ATAD5: variants seen among roughly 807,000 people sequenced by gnomAD.
ATAD5 encodes the protein ATPase family AAA domain containing 5, also known as ATPase family AAA domain-containing protein 5.
Under a neutral mutation model 176.9 loss-of-function variants are expected in ATAD5, and 58 were observed. The observed-to-expected ratio is 0.33, with a 90% CI of 0.27 to 0.41. ATAD5 has a LOEUF of 0.41. Among genes scored for constraint, ATAD5 ranks in the 10% least tolerant of loss-of-function variants. The pLI is 1.00. For missense variants in ATAD5, 1,789 were observed against 2,094.1 expected (o/e 0.85, Z 2.84); for synonymous variants, 640 against 712.6 (o/e 0.90, Z 1.62).
intron 6 of ATAD5, among the ~76,000 whole-genome samples, chr17:30,848,570 T>C (rs1425899714): frequency 6.6e-6 from 1 of 152,128 alleles, no homozygotes; most frequent in Admixed American, 6.5e-5. Flanking sequence ...ATTCTATCAA[T>C]TCAAAGTGTG....
At chr17:30,848,249 CTT>C (rs754266011) in intron 6 of ATAD5, among the ~76,000 whole-genome samples, 1 of 143,038 alleles carries the variant, frequency 7.0e-6, no homozygotes. Context: ...CATTATCAGG[CTT>C]TTTTTTTTTT....
At chr17:30,840,501 T>C (rs1431322192) in intron 3 of ATAD5, 116 bp from the exon 4 acceptor site, 1 of 786,020 alleles carries the variant, frequency 1.3e-6, no homozygotes, top group Non-Finnish European at 1.8e-6. Context: ...CTGGTAAGAT[T>C]TGAATAACCA....
In ATAD5 at chr17:30,834,649, A is replaced by G; in HGVS notation, c.568A>G (p.Lys190Glu). 1 of 1,610,040 alleles carries G rather than the reference A, an allele frequency of 6.2e-7. No individual in the cohort carries two copies. The highest frequency in any genetic ancestry group is 8.5e-7 in the Non-Finnish European group (1 of 1,179,092). The change falls in exon 2 of 23, where the codon AAA (lysine) becomes GAA (glutamate). Residue 190 changes from lysine to glutamate, a missense_variant. Around this residue, in one of 6 missense-constraint regions of ATAD5, gnomAD observed 696 missense variants for 712.5 expected, o/e 0.98. Coordinates refer to ENST00000321990, the MANE Select transcript of ATAD5 (RefSeq NM_024857.5). Reference sequence around the variant, plus strand: ...TATGACCTCCCTGCAAAATTCTAAAAAAGTAAATCCTAAACAAGGGACCAC... The same window carrying G: ...TATGACCTCCCTGCAAAATTCTAAAGAAGTAAATCCTAAACAAGGGACCAC... ...NTMTSLQNSKKVNPKQGTTKN... is the reference protein window; with the variant it reads ...NTMTSLQNSKEVNPKQGTTKN...
chr17:30,868,511 T>TTTA, intron 12 of ATAD5, 99 bp downstream of exon 12: 10 of 619,816 alleles, frequency 1.6e-5, no homozygotes, highest in Non-Finnish European at 2.2e-5. Context: ...TTTTTTTAAT[T>TTTA]TTTTTTTTTT....
chr17:30,878,444 C>T (rs1162824354), intron 17 of ATAD5, among the ~76,000 whole-genome samples: 1 of 151,958 alleles, frequency 6.6e-6, no homozygotes, highest in East Asian at 1.9e-4. Flanking sequence ...CTCTTTTGCC[C>T]CTGATAACAC....
Position 30,832,377 on chromosome 17 carries a change from A to G in ATAD5, c.30A>G (p.Ala10=). The change falls in exon 1 of 23, where the codon GCA becomes GCG. Residue 10 remains alanine, a synonymous_variant. Transcript: ENST00000321990. ...TGGGGGTCCTGGCCATGGCGGCTGC[A>G]GCTGCTCCGCCTCCCGTGAAGGACT... MVGVLAMAA[A]AAPPPVKDCE... 1 of 1,566,014 alleles carries G rather than the reference A, an allele frequency of 6.4e-7. No homozygotes were observed. The highest frequency in any genetic ancestry group is 8.7e-7 in the Non-Finnish European group (1 of 1,155,166).
chr17:30,877,788 T>A (rs969538419), intron 16 of ATAD5, among the ~76,000 whole-genome samples: 4 of 152,184 alleles, frequency 2.6e-5, no homozygotes, highest in African/African-American at 9.6e-5. Context: ...CTGATCCATA[T>A]CTGTCTAGTT....
intron 18 of ATAD5, among the ~76,000 whole-genome samples, chr17:30,879,773 A>G (rs961753915): frequency 1.3e-5 from 2 of 151,944 alleles, no homozygotes; most frequent in East Asian, 2.0e-4. Flanking sequence ...CATTTTAGCC[A>G]GGATGGTCTT....
intron 6 of ATAD5, among the ~76,000 whole-genome samples, chr17:30,850,522 A>C (rs559172575): frequency 6.6e-5 from 10 of 151,882 alleles, no homozygotes; most frequent in Admixed American, 4.6e-4. Flanking sequence ...CACCATGTCC[A>C]GCTAATTGTT....
intron 18 of ATAD5, among the ~76,000 whole-genome samples, chr17:30,882,125 G>A (rs1273761753): frequency 6.6e-6 from 1 of 151,810 alleles, no homozygotes; most frequent in African/African-American, 2.4e-5. Context: ...GCGTGGTGGT[G>A]CATGCCTGTA....
intron 18 of ATAD5, among the ~76,000 whole-genome samples, chr17:30,886,746 C>CAAA (rs74541319): frequency 7.2e-6 from 1 of 138,724 alleles, no homozygotes; most frequent in African/African-American, 2.6e-5. Flanking sequence ...TGATCTCTAC[C>CAAA]AAAAAAAAAA....
chr17:30,841,681 T>A (rs1270899289), intron 4 of ATAD5, among the ~76,000 whole-genome samples: 1 of 152,220 alleles, frequency 6.6e-6, no homozygotes, highest in Non-Finnish European at 1.5e-5. Context: ...ACTAACCTGC[T>A]TCTGTCTCTG....
At chr17:30,862,534 C>T (rs1054306357) in intron 10 of ATAD5, among the ~76,000 whole-genome samples, 3 of 151,994 alleles carry the variant, frequency 2.0e-5, no homozygotes, top group Non-Finnish European at 4.4e-5. Context: ...CTCTGCCTCC[C>T]GGATTCAAGC....
chr17:30,852,010 C>T (rs1186520526), intron 6 of ATAD5, among the ~76,000 whole-genome samples: 1 of 152,202 alleles, frequency 6.6e-6, no homozygotes, highest in Non-Finnish European at 1.5e-5. Context: ...TCTCATCAAA[C>T]CTGCAATTAT....
intron 6 of ATAD5, among the ~76,000 whole-genome samples, chr17:30,848,963 C>T (rs983094847): frequency 6.6e-5 from 10 of 152,114 alleles, no homozygotes; most frequent in South Asian, 4.1e-4. Flanking sequence ...CTCCGCCTTC[C>T]GGGTTCAAGT....
intron 14 of ATAD5, among the ~76,000 whole-genome samples, chr17:30,874,684 G>A (rs1290921250): frequency 6.7e-6 from 1 of 149,384 alleles, no homozygotes; most frequent in African/African-American, 2.5e-5. Context: ...AGGCAGCAGT[G>A]CAGTGGAGCG....
chr17:30,859,831 C>G (rs1036985925), intron 9 of ATAD5, among the ~76,000 whole-genome samples: 1 of 147,106 alleles, frequency 6.8e-6, no homozygotes, highest in Non-Finnish European at 1.5e-5. Context: ...TCCACCGATT[C>G]TCCTGCTTCT....
At position 30,854,774 on chromosome 17, in the gene ATAD5, T is replaced by C. The variant is rs549472039; in HGVS notation, c.2451-369T>C. On this transcript the variant is annotated intron_variant, in intron 6 of 22. Transcript: ENST00000321990. ...TGTTTTTTGTTATTTTTTGAGACAG[T>C]CTCACTCTGTTGCCCAGACTGGAAG... is the stretch of plus-strand genomic sequence containing the variant. 4.6e-5 allele frequency among the ~76,000 whole-genome samples: 7 copies of C among 152,226 alleles called. 1 individual carries two copies. Among genetic ancestry groups the C allele is most frequent in the South Asian group, 4.1e-4 (2 of 4,820 alleles).
At position 30,835,155 on chromosome 17, in the gene ATAD5, T is replaced by C. The variant is rs11655623; in HGVS notation, c.1074T>C (p.Pro358=). 196,478 of 1,613,956 alleles carry C rather than the reference T, an allele frequency of 0.12. 13,622 individuals are homozygous for C. Among genetic ancestry groups the C allele is most frequent in the South Asian group, 0.24 (22,124 of 91,064 alleles). ...QFEMENSLSD[P]ENEQTVQKRK... ...AAATGGAAAATAGTTTATCTGATCC[T>C]GAGAATGAACAGACAGTTCAGAAAA... The change falls in exon 2 of 23, where the codon CCT becomes CCC. Residue 358 remains proline, a synonymous_variant. Transcript: ENST00000321990.
Sources: gnomAD v4.1 joint callset for allele counts (sites outside exome capture counted in the v4.1 genomes callset) on GRCh38, gnomAD v4.1.1 for gene constraint, gnomAD v4.1.1 regional missense constraint, MANE v1.5 for transcripts, NCBI Gene and HGNC (gene_info 2026-07-23, HGNC 2026-07-21) for gene names.